SENP8: variants seen among roughly 807,000 people sequenced by gnomAD.
SENP8 encodes sentrin-specific protease 8.
In SENP8, 10 loss-of-function variants were observed where a neutral mutation model predicts 14.4. That is an observed-to-expected ratio of 0.69 (90% CI 0.43 to 1.18). The LOEUF (loss-of-function observed/expected upper bound fraction) is 1.18, where lower values mean the gene tolerates loss of function less well. SENP8 is among the 50% of genes most tolerant of loss of function. The pLI is 0.00. For synonymous variants in SENP8, 94 were observed against 95.5 expected, an observed-to-expected ratio of 0.98 and a Z score of 0.09; for missense variants, 202 against 249.4, an observed-to-expected ratio of 0.81 and a Z score of 1.28.
chr15:72,126,410 T>G lies in SENP8; in HGVS notation c.-48+7946T>G, dbSNP rs191245201. 9.9e-5 allele frequency among the ~76,000 whole-genome samples: 15 copies of G among 151,666 alleles called. No individual in the cohort carries two copies. The East Asian group carries it at 2.9e-3, about 29-fold the overall frequency. Reference sequence around the variant, plus strand: ...AGGCCGAGGTGGGTGGATCACAAGGTCAGGAATTCAAGACCAGCCTGGCCA... The same window carrying G: ...AGGCCGAGGTGGGTGGATCACAAGGGCAGGAATTCAAGACCAGCCTGGCCA... On this transcript the variant is annotated intron_variant, in intron 1 of 1. Coordinates refer to ENST00000340912, the MANE Select transcript of SENP8 (RefSeq NM_145204.4).
intron 1 of SENP8, among the ~76,000 whole-genome samples, chr15:72,127,785 G>A (rs1264551162): frequency 6.6e-6 from 1 of 152,182 alleles, no homozygotes; most frequent in Non-Finnish European, 1.5e-5. Context: ...TAAGGTGATA[G>A]TAGTGAAGAT....
Position 72,142,088 on chromosome 15 carries a change from A to ATAAG in SENP8, c.*1830_*1833dup, listed in dbSNP as rs1282985296. 6.6e-6 allele frequency: 1 copy of ATAAG among 152,094 alleles called. No homozygotes were observed. The highest frequency in any genetic ancestry group is 2.4e-5 in the African/African-American group (1 of 41,318). The allele number at this position is 152,094 out of a possible 1,614,324, so 9.4% of individuals were successfully genotyped here. A position where few individuals can be genotyped will look rare whatever the true frequency, so the allele number is the denominator to read the frequency against. ...TTCCTAACTCCCTACGATTCATCTT[A>ATAAG]TAAGTAAATTTATAAGTAAATTTTT... On this transcript the variant is annotated 3_prime_UTR_variant, in exon 2 of 2. Coordinates refer to ENST00000340912, the MANE Select transcript of SENP8 (RefSeq NM_145204.4).
chr15:72,121,237 A>G (rs1050805247), intron 1 of SENP8, among the ~76,000 whole-genome samples: 1 of 152,102 alleles, frequency 6.6e-6, no homozygotes, highest in East Asian at 1.9e-4. Flanking sequence ...GATTGGGGCT[A>G]TTTTTGTGGA....
rs2081362959 is a variant in SENP8 at position 72,139,811 on chromosome 15, A to G, written c.188A>G (p.Lys63Arg). 6.2e-7 allele frequency: 1 copy of G among 1,614,086 alleles called. No individual in the cohort carries two copies. Among genetic ancestry groups the G allele is most frequent in the Non-Finnish European group, 8.5e-7 (1 of 1,180,026 alleles). The part of the protein sequence containing the change: ...FISPEVTQFI[K>R]CTSNPAEIAM... ...AGCCCTGAAGTCACCCAGTTCATCA[A>G]GTGCACTAGCAACCCAGCAGAGATT... The change falls in exon 2 of 2, where the codon AAG (lysine) becomes AGG (arginine). Residue 63 changes from lysine to arginine, a missense_variant. Physicochemically the swap from Lys to Arg is conservative, Grantham distance 26 (BLOSUM62 2). Coordinates refer to ENST00000340912, the MANE Select transcript of SENP8 (RefSeq NM_145204.4).
upstream of SENP8, among the ~76,000 whole-genome samples, chr15:72,114,743 C>G (rs1365241816): frequency 9.6e-4 from 146 of 152,260 alleles, no homozygotes; most frequent in Non-Finnish European, 3.1e-4. Flanking sequence ...GGCAAGCACT[C>G]TAGACAGCAG....
At chr15:72,115,671 C>T (rs1262414828), upstream of SENP8, among the ~76,000 whole-genome samples, 3 of 152,160 alleles carry the variant, frequency 2.0e-5, no homozygotes, top group African/African-American at 7.2e-5. Context: ...CTGATCATTC[C>T]AGTCCCCTGC....
chr15:72,124,301 T>A (rs937189245), intron 1 of SENP8, among the ~76,000 whole-genome samples: 2 of 152,296 alleles, frequency 1.3e-5, no homozygotes, highest in Admixed American at 6.5e-5. Context: ...ATGAGTAAAA[T>A]CTAATCTGTG....
intron 1 of SENP8, among the ~76,000 whole-genome samples, chr15:72,132,600 A>G (rs201107137): frequency 7.3e-6 from 1 of 137,760 alleles, no homozygotes; most frequent in East Asian, 2.5e-4. Context: ...TGATAATGTT[A>G]TTATCATCCT....
intron 1 of SENP8, among the ~76,000 whole-genome samples, chr15:72,135,766 A>C (rs778607007): frequency 2.0e-5 from 3 of 152,232 alleles, no homozygotes; most frequent in Admixed American, 2.0e-4. Context: ...ACTATTTCTG[A>C]AGAAAATCTT....
At chr15:72,128,080 G>A (rs1301369836) in intron 1 of SENP8, among the ~76,000 whole-genome samples, 6 of 151,630 alleles carry the variant, frequency 4.0e-5, no homozygotes, top group Non-Finnish European at 1.5e-5. Flanking sequence ...GCAACAGAGT[G>A]AGACGTTTTC....
chr15:72,142,546 AC>A lies in SENP8; in HGVS notation c.*2286del, dbSNP rs796474632. The A allele has an allele frequency of 9.2e-5, 14 of 152,322 alleles. No homozygotes were observed. The highest frequency in any genetic ancestry group is 3.4e-4 in the African/African-American group (14 of 41,578). The allele number at this position is 152,322 out of a possible 1,614,324, so 9.4% of individuals were successfully genotyped here. A position where few individuals can be genotyped will look rare whatever the true frequency, so the allele number is the denominator to read the frequency against. ...GCTAAGCAATTATCAAACTGAACTA[AC>A]CTGCTTTCAGATATCCTGTTGTATT... is the stretch of plus-strand genomic sequence containing the variant. On this transcript the variant is annotated 3_prime_UTR_variant, in exon 2 of 2. Transcript: ENST00000340912.
At chr15:72,123,541 C>CTTT (rs71438550) in intron 1 of SENP8, among the ~76,000 whole-genome samples, 1 of 140,826 alleles carries the variant, frequency 7.1e-6, no homozygotes, top group Non-Finnish European at 1.6e-5. Flanking sequence ...ACAAATGGAA[C>CTTT]TTTTTTTTTT....
At chr15:72,115,197 C>T (rs1415844587), upstream of SENP8, among the ~76,000 whole-genome samples, 2 of 152,284 alleles carry the variant, frequency 1.3e-5, no homozygotes, top group South Asian at 2.1e-4. Flanking sequence ...TTCAACTCTA[C>T]CTGTAATTTA....
Position 72,139,101 on chromosome 15 carries a change from G to A in SENP8, c.-47-476G>A, listed in dbSNP as rs1039695589. Among the ~76,000 whole-genome samples, 4 of 150,194 alleles carry A rather than the reference G, an allele frequency of 2.7e-5. No individual in the cohort carries two copies. The South Asian group carries it at 6.3e-4, about 24-fold the overall frequency. ...TACCAATAACATAGCCAATTAACAC[G>A]TTTTGTAAATGTATTATATACATTT... is the stretch of plus-strand genomic sequence containing the variant. On this transcript the variant is annotated intron_variant, in intron 1 of 1. Coordinates refer to ENST00000340912, the MANE Select transcript of SENP8 (RefSeq NM_145204.4).
rs560934360 is a variant in SENP8 at position 72,131,585 on chromosome 15, T to G, written c.-47-7992T>G. 4.3e-4 allele frequency among the ~76,000 whole-genome samples: 66 copies of G among 152,260 alleles called. 1 individual carries two copies. In the South Asian group the frequency reaches 0.012, roughly 27 times the overall value. ...TAGGATTAATAAGAAGTAATCTCCT[T>G]CTATTAAAATTAATCCTTTGTTAAG... is the stretch of plus-strand genomic sequence containing the variant. On this transcript the variant is annotated intron_variant, in intron 1 of 1. Transcript: ENST00000340912.
intron 1 of SENP8, among the ~76,000 whole-genome samples, chr15:72,130,556 G>GTT (rs1300114690): frequency 9.3e-6 from 1 of 107,336 alleles, no homozygotes; most frequent in Non-Finnish European, 2.0e-5. Flanking sequence ...AATGTTTTAG[G>GTT]ATTTTTTTTT....
intron 1 of SENP8, among the ~76,000 whole-genome samples, chr15:72,119,282 A>G (rs1483297480): frequency 1.3e-5 from 2 of 152,204 alleles, no homozygotes. Context: ...CACCTGGGAA[A>G]CTTTTTGTTA....
intron 1 of SENP8, among the ~76,000 whole-genome samples, chr15:72,131,376 A>C (rs528170330): frequency 6.6e-6 from 1 of 152,140 alleles, no homozygotes; most frequent in East Asian, 1.9e-4. Flanking sequence ...ACTGAATCCC[A>C]GGTCTGACTC....
chr15:72,137,934 T>C (rs1038262146), intron 1 of SENP8, among the ~76,000 whole-genome samples: 13 of 151,386 alleles, frequency 8.6e-5, no homozygotes, highest in Non-Finnish European at 1.5e-4. Flanking sequence ...ATCGCGCCAC[T>C]GCACTCCAGC....
Sources: gnomAD v4.1 joint callset for allele counts (sites outside exome capture counted in the v4.1 genomes callset) on GRCh38, gnomAD v4.1.1 for gene constraint, MANE v1.5 for transcripts, NCBI Gene and HGNC (gene_info 2026-07-23, HGNC 2026-07-21) for gene names.